Variants in DCDC1 observed in about 807,000 individuals in gnomAD.
The protein encoded by DCDC1 is doublecortin domain-containing protein 1.
In DCDC1, 200 loss-of-function variants were observed where a neutral mutation model predicts 178.3. That is an observed-to-expected ratio of 1.12 (90% CI 1.00 to 1.26). The LOEUF is 1.26. Among genes scored for constraint, DCDC1 ranks in the 50% most tolerant of loss-of-function variants. The probability of loss-of-function intolerance (pLI) is 0.00; values close to 1 mark genes in which losing one functional copy is unlikely to be tolerated. For missense variants in DCDC1, 1,983 were observed against 1,749.2 expected, an observed-to-expected ratio of 1.13 and a Z score of -2.38; for synonymous variants, 690 against 604.8, an observed-to-expected ratio of 1.14 and a Z score of -2.07.
chr11:30,941,884 T>A (rs944912251), intron 21 of DCDC1, among the ~76,000 whole-genome samples: 1 of 152,172 alleles, frequency 6.6e-6, no homozygotes, highest in Non-Finnish European at 1.5e-5. Context: ...TGTTTAAAAA[T>A]CAGATGAGCA....
At chr11:31,011,683 G>A (rs1243533574) in intron 20 of DCDC1, among the ~76,000 whole-genome samples, 1 of 152,182 alleles carries the variant, frequency 6.6e-6, no homozygotes, top group Admixed American at 6.5e-5. Context: ...AAAGTTGAAA[G>A]TATGTGTGCG....
chr11:30,950,017 CA>C (rs1235445056), intron 21 of DCDC1, among the ~76,000 whole-genome samples: 1 of 151,588 alleles, frequency 6.6e-6, no homozygotes, highest in African/African-American at 2.4e-5. Flanking sequence ...AAAAAATGGG[CA>C]AAAGAGCTGA....
chr11:31,327,974 C>T (rs1165789249), intron 3 of DCDC1, 143 bp downstream of exon 3: 2 of 733,538 alleles, frequency 2.7e-6, no homozygotes, highest in East Asian at 3.5e-5. Context: ...AAGTGATCCA[C>T]CTGCCTCGGC....
intron 11 of DCDC1, among the ~76,000 whole-genome samples, chr11:31,115,817 G>A (rs1446362336): frequency 6.6e-6 from 1 of 151,972 alleles, no homozygotes; most frequent in African/African-American, 2.4e-5. Flanking sequence ...GAACTGGGAA[G>A]GTACTTAAGG....
At chr11:31,177,538 A>T (rs1353262171) in intron 9 of DCDC1, among the ~76,000 whole-genome samples, 3 of 152,206 alleles carry the variant, frequency 2.0e-5, no homozygotes, top group African/African-American at 7.2e-5. Flanking sequence ...AATAATCTTC[A>T]ATATAAATGG....
chr11:31,074,403 G>A (rs940282218), intron 18 of DCDC1, among the ~76,000 whole-genome samples: 4 of 152,122 alleles, frequency 2.6e-5, no homozygotes, highest in African/African-American at 9.7e-5. Context: ...AAGAGGTAGG[G>A]CCTTTATGAG....
Position 31,073,213 on chromosome 11 carries a change from A to C in DCDC1, c.2298+4652T>G, listed in dbSNP as rs556970181. 4.6e-5 allele frequency among the ~76,000 whole-genome samples: 7 copies of C among 152,350 alleles called. No homozygotes were observed. In the South Asian group the frequency reaches 1.4e-3, roughly 32 times the overall value. The stretch of plus-strand genomic sequence containing the variant: ...ATATCAGTGATTGTGTTTGGGAATT[A>C]AGTTTTAGAAACAAAACCTTGAAAA... On this transcript the variant is annotated intron_variant, in intron 18 of 38. Coordinates refer to ENST00000684477, the MANE Select transcript of DCDC1 (RefSeq NM_001387274.1).
At chr11:30,990,498 C>A (rs1328185576) in intron 20 of DCDC1, among the ~76,000 whole-genome samples, 1 of 151,938 alleles carries the variant, frequency 6.6e-6, no homozygotes, top group Non-Finnish European at 1.5e-5. Context: ...GAAGCCACAG[C>A]CAAAAAATAT....
intron 6 of DCDC1, among the ~76,000 whole-genome samples, chr11:31,297,840 C>T (rs1947809768): frequency 6.6e-6 from 1 of 152,162 alleles, no homozygotes; most frequent in African/African-American, 2.4e-5. Flanking sequence ...ACCTTAATGG[C>T]CCATCCCCAC....
At chr11:30,907,616 C>T (rs1945156214) in intron 29 of DCDC1, among the ~76,000 whole-genome samples, 1 of 152,062 alleles carries the variant, frequency 6.6e-6, no homozygotes, top group African/African-American at 2.4e-5. Context: ...CTCGAGAAGA[C>T]ATGTAGTTGA....
chr11:31,191,917 A>G (rs1264391742), intron 9 of DCDC1, among the ~76,000 whole-genome samples: 2 of 152,106 alleles, frequency 1.3e-5, no homozygotes, highest in African/African-American at 2.4e-5. Context: ...TATTACGAAT[A>G]AGTAGAGGCT....
intron 7 of DCDC1, among the ~76,000 whole-genome samples, chr11:31,275,950 G>C (rs1356823274): frequency 6.6e-6 from 1 of 152,224 alleles, no homozygotes; most frequent in Non-Finnish European, 1.5e-5. Context: ...TTGTGCCTCT[G>C]TATATAGTTA....
Position 31,091,486 on chromosome 11 carries a change from A to C in DCDC1, c.2144T>G (p.Ile715Arg), listed in dbSNP as rs747092472. The C allele has an allele frequency of 2.6e-6, 2 of 759,250 alleles. No individual in the cohort carries two copies. Among genetic ancestry groups the C allele is most frequent in the Admixed American group, 1.7e-5 (1 of 58,162 alleles). The allele number at this position is 759,250 out of a possible 1,614,324, so 47.0% of individuals were successfully genotyped here. A position where few individuals can be genotyped will look rare whatever the true frequency, so the allele number is the denominator to read the frequency against. ...ACCAATAGCCAGGCAGCCCTGAGTT[A>C]TCGCTCGGCTCAGGATCATTCCAGT... Reference protein sequence around the residue: ...TKTGMILSRAITQGCLAIGHP... With the variant: ...TKTGMILSRARTQGCLAIGHP... The change falls in exon 17 of 39, where the codon ATA (isoleucine) becomes AGA (arginine). Residue 715 changes from isoleucine to arginine, a missense_variant. Physicochemically the swap from Ile to Arg is moderately conservative, Grantham distance 97. Transcript: ENST00000684477.
chr11:31,193,543 CT>C (rs1176222273), intron 9 of DCDC1, among the ~76,000 whole-genome samples: 1 of 152,010 alleles, frequency 6.6e-6, no homozygotes, highest in Non-Finnish European at 1.5e-5. Context: ...GTTTCTTTGA[CT>C]TTTTTCTCTG....
chr11:31,330,181 G>T (rs570413017), intron 2 of DCDC1, among the ~76,000 whole-genome samples: 2 of 152,122 alleles, frequency 1.3e-5, no homozygotes, highest in Non-Finnish European at 2.9e-5. Flanking sequence ...TGTGTCTGTT[G>T]GCTGCATAAA....
At chr11:31,033,190 A>G (rs1248998556) in intron 20 of DCDC1, among the ~76,000 whole-genome samples, 2 of 152,216 alleles carry the variant, frequency 1.3e-5, no homozygotes, top group Non-Finnish European at 2.9e-5. Flanking sequence ...GCTGGCCCAA[A>G]AAAGTCTGTT....
chr11:31,263,247 T>C (rs1274413100), intron 8 of DCDC1, among the ~76,000 whole-genome samples: 1 of 152,216 alleles, frequency 6.6e-6, no homozygotes, highest in Non-Finnish European at 1.5e-5. Context: ...AGATAGGGTA[T>C]TAAGAAAATA....
intron 9 of DCDC1, among the ~76,000 whole-genome samples, chr11:31,150,287 TG>T (rs1490352196): frequency 6.6e-6 from 1 of 152,166 alleles, no homozygotes; most frequent in Non-Finnish European, 1.5e-5. Context: ...GCTATGTAAA[TG>T]TTCAAAAATA....
intron 22 of DCDC1, among the ~76,000 whole-genome samples, chr11:30,930,836 A>G (rs1449280429): frequency 6.6e-6 from 1 of 152,196 alleles, no homozygotes; most frequent in Non-Finnish European, 1.5e-5. Flanking sequence ...TACATCTAGC[A>G]GAATGAGCTA....
Sources: gnomAD v4.1 joint callset for allele counts (sites outside exome capture counted in the v4.1 genomes callset) on GRCh38, gnomAD v4.1.1 for gene constraint, MANE v1.5 for transcripts, NCBI Gene and HGNC (gene_info 2026-07-23, HGNC 2026-07-21) for gene names.